Variants in MEX3C observed in about 807,000 individuals in gnomAD.
The protein encoded by MEX3C is RNA-binding E3 ubiquitin-protein ligase MEX3C.
MEX3C carries 15 observed loss-of-function variants against 35.5 expected under a neutral mutation model. The observed-to-expected ratio is 0.42, with a 90% CI of 0.28 to 0.65. The LOEUF is 0.65. Among genes scored for constraint, MEX3C ranks in the 30% least tolerant of loss-of-function variants. The probability of loss-of-function intolerance (pLI) is 0.20; values close to 1 mark genes in which losing one functional copy is unlikely to be tolerated. For missense variants in MEX3C, 711 were observed against 842.8 expected, an observed-to-expected ratio of 0.84 and a Z score of 1.94; for synonymous variants, 390 against 352.8, an observed-to-expected ratio of 1.11 and a Z score of -1.18.
In MEX3C at chr18:51,177,028, G is replaced by A. The variant is rs551240286; in HGVS notation, c.1303C>T (p.Arg435Cys). The A allele has an allele frequency of 3.0e-5, 48 of 1,613,956 alleles. No homozygotes were observed. The highest frequency in any genetic ancestry group is 1.6e-4 in the Middle Eastern group (1 of 6,062). ...CGATAATTGGATATCATTCTTGCGC[G>A]GCTAGGAGGAACAGGATTGGAGGAG... is the stretch of plus-strand genomic sequence containing the variant. ...WLSSNPVPPS[R>C]ARMISNYRND... is the part of the protein sequence containing the mutation. The change falls in exon 2 of 2, where the codon CGC (arginine) becomes TGC (cysteine). Residue 435 changes from arginine (R) to cysteine (C), a missense_variant. Physicochemically the swap from Arg to Cys is radical, Grantham distance 180. Around this residue, in one of 4 missense-constraint regions of MEX3C, gnomAD observed 187 missense variants for 201.7 expected, o/e 0.93. Transcript: ENST00000406189. The surrounding 1 kb of genome is among the most constrained non-coding windows in gnomAD (Gnocchi z 4.2).
At chr18:51,188,392 A>C (rs1912582526) in intron 1 of MEX3C, among the ~76,000 whole-genome samples, 1 of 152,072 alleles carries the variant, frequency 6.6e-6, no homozygotes, top group African/African-American at 2.4e-5. Context: ...GCTTGAGCTC[A>C]GCTTCAGCTC....
chr18:51,180,759 G>C (rs976837118), intron 1 of MEX3C, among the ~76,000 whole-genome samples: 2 of 152,102 alleles, frequency 1.3e-5, no homozygotes, highest in Admixed American at 1.3e-4. Flanking sequence ...CTGGGATTAC[G>C]GGCGTGAGCC....
intron 1 of MEX3C, among the ~76,000 whole-genome samples, chr18:51,179,854 T>C (rs2144548827): frequency 6.6e-6 from 1 of 152,316 alleles, no homozygotes; most frequent in South Asian, 2.1e-4. Flanking sequence ...ACAGAACTGG[T>C]CATATTCTAT....
Position 51,175,180 on chromosome 18 carries a change from T to C in MEX3C, c.*1171A>G, listed in dbSNP as rs1455274863. 1 of 152,594 alleles carries C rather than the reference T, an allele frequency of 6.6e-6. No homozygotes were observed. Among genetic ancestry groups the C allele is most frequent in the African/African-American group, 2.4e-5 (1 of 41,444 alleles). The allele number at this position is 152,594 out of a possible 1,614,324, so 9.5% of individuals were successfully genotyped here. On this transcript the variant is annotated 3_prime_UTR_variant, in exon 2 of 2. Transcript: ENST00000406189. ...ATACCGAGAAAAAAGCTCTTTTGTG[T>C]TGGGAAAATAATGCTTCAAAAAATA... is the stretch of plus-strand genomic sequence containing the variant.
intron 1 of MEX3C, among the ~76,000 whole-genome samples, chr18:51,188,596 TCA>T (rs1491450883): frequency 2.3e-4 from 2 of 8,712 alleles, no homozygotes; most frequent in African/African-American, 8.1e-4. Flanking sequence ...AGACCCTGTC[TCA>T]AAAAAAAAAA....
At chr18:51,185,884 A>AC (rs150800504) in intron 1 of MEX3C, among the ~76,000 whole-genome samples, 54,478 of 151,194 alleles carry the variant, frequency 0.36, 10,703 homozygotes, top group Non-Finnish European at 0.45. Context: ...ACATAGTGAG[A>AC]CCCCCCCCTC....
intron 1 of MEX3C, among the ~76,000 whole-genome samples, chr18:51,178,772 A>T (rs1229232365): frequency 6.6e-6 from 1 of 150,876 alleles, no homozygotes; most frequent in Admixed American, 6.6e-5. Context: ...AGGCAGAAGA[A>T]TTGCTCGAAC....
At chr18:51,179,236 C>A (rs116957077) in intron 1 of MEX3C, among the ~76,000 whole-genome samples, 1,955 of 152,200 alleles carry the variant, frequency 0.013, 18 homozygotes, top group Middle Eastern at 0.041. Flanking sequence ...AACTCCTGAC[C>A]TAGTAATCTG....
chr18:51,194,921 C>T (rs147746739), intron 1 of MEX3C: 5 of 152,372 alleles, frequency 3.3e-5, no homozygotes, highest in African/African-American at 1.2e-4. Context: ...ATTTGTTAGA[C>T]TCCTTCCTAC....
At position 51,180,488 on chromosome 18, in the gene MEX3C, T is replaced by C. The variant is rs550076060; in HGVS notation, c.755-2912A>G. Among the ~76,000 whole-genome samples, 8 of 150,240 alleles carry C rather than the reference T, an allele frequency of 5.3e-5. No homozygotes were observed. In the South Asian group the frequency reaches 1.7e-3, roughly 31 times the overall value. On this transcript the variant is annotated intron_variant, in intron 1 of 1. Transcript: ENST00000406189. ...CAAAGCCAACCCTGGTTTTTTTTTG[T>C]TGTTGTTTTTTGAGATGGAGTCTCT...
At chr18:51,192,845 AC>A (rs1912681086) in intron 1 of MEX3C, 1 of 152,234 alleles carries the variant, frequency 6.6e-6, no homozygotes, top group Admixed American at 6.5e-5. Flanking sequence ...CTAACATAGT[AC>A]TAAGCAAAGA....
rs1031464429 is a variant in MEX3C, at chr18:51,174,736, C to T, written c.*1615G>A. 6 of 152,430 alleles carry T rather than the reference C, an allele frequency of 3.9e-5. No homozygotes were observed. Among genetic ancestry groups the T allele is most frequent in the Non-Finnish European group, 8.8e-5 (6 of 67,996 alleles). 9.4% of individuals were successfully genotyped at this position (152,430 alleles called of 1,614,324 possible). ...TGAATTTATAATCCCTATGACTTCC[C>T]TACATATACATAACAAAAGAGTGTA... On this transcript the variant is annotated 3_prime_UTR_variant, in exon 2 of 2. Coordinates refer to ENST00000406189, the MANE Select transcript of MEX3C (RefSeq NM_016626.5).
At chr18:51,178,354 T>A (rs1912348904) in intron 1 of MEX3C, among the ~76,000 whole-genome samples, 1 of 151,604 alleles carries the variant, frequency 6.6e-6, no homozygotes, top group South Asian at 2.1e-4. Context: ...TAACTTTACG[T>A]AATTCTCCAC....
intron 1 of MEX3C, among the ~76,000 whole-genome samples, chr18:51,180,886 G>C (rs1187881721): frequency 4.6e-5 from 7 of 152,174 alleles, no homozygotes; most frequent in Non-Finnish European, 2.9e-5. Flanking sequence ...AGGGATTATA[G>C]GGAAGCTCAC....
intron 1 of MEX3C, among the ~76,000 whole-genome samples, chr18:51,189,062 C>T (rs919004071): frequency 5.9e-5 from 9 of 152,016 alleles, no homozygotes; most frequent in Admixed American, 2.6e-4. Flanking sequence ...TTTATCTGTT[C>T]GGTGGAATTA....
chr18:51,191,383 A>G (rs1468670901), intron 1 of MEX3C, among the ~76,000 whole-genome samples: 2 of 152,158 alleles, frequency 1.3e-5, no homozygotes, highest in Non-Finnish European at 2.9e-5. Context: ...AACACTGGAG[A>G]TGGTGGCTGC....
At chr18:51,196,513 C>A (rs1259918385) in intron 1 of MEX3C, 54 bp downstream of exon 1, 2 of 1,522,190 alleles carry the variant, frequency 1.3e-6, no homozygotes, top group African/African-American at 1.4e-5. Flanking sequence ...TCTCTCGTCT[C>A]CCCACCCACG....
At chr18:51,192,010 A>T (rs1009336402) in intron 1 of MEX3C, among the ~76,000 whole-genome samples, 58 of 152,182 alleles carry the variant, frequency 3.8e-4, no homozygotes, top group African/African-American at 1.4e-3. Flanking sequence ...TCAAAACCAA[A>T]TCAGCAATAT....
chr18:51,191,915 C>T lies in MEX3C; in HGVS notation c.754+4652G>A, dbSNP rs529197829. Among the ~76,000 whole-genome samples the T allele has an allele frequency of 2.6e-5, 4 of 152,218 alleles. No individual in the cohort carries two copies. The East Asian group carries it at 7.7e-4, about 29-fold the overall frequency. ...GACTGTCACAGGCAGTTTGGTGTAG[C>T]TACAATAGGTATTTTTACATATTGT... On this transcript the variant is annotated intron_variant, in intron 1 of 1. Coordinates refer to ENST00000406189, the MANE Select transcript of MEX3C (RefSeq NM_016626.5).
Sources: allele counts gnomAD v4.1 joint callset (sites outside exome capture counted in the v4.1 genomes callset), GRCh38; gene constraint gnomAD v4.1.1; regional missense constraint gnomAD v4.1.1; non-coding constraint Gnocchi (gnomAD v3.1); transcripts MANE v1.5; gene names NCBI Gene and HGNC (gene_info 2026-07-23, HGNC 2026-07-21).